GATAD2A: variants seen among roughly 807,000 people sequenced by gnomAD.
GATAD2A encodes GATA zinc finger domain containing 2A, also known as transcriptional repressor p66-alpha.
In GATAD2A, 12 loss-of-function variants were observed where a neutral mutation model predicts 68.5. The observed-to-expected ratio is 0.18, with a 90% confidence interval of 0.11 to 0.28. The LOEUF (loss-of-function observed/expected upper bound fraction) is 0.28, where lower values mean the gene tolerates loss of function less well. GATAD2A is among the 10% of genes least tolerant of loss of function. The probability of loss-of-function intolerance (pLI) is 1.00; values close to 1 mark genes in which losing one functional copy is unlikely to be tolerated. For synonymous variants in GATAD2A, 410 were observed against 375.3 expected, an observed-to-expected ratio of 1.09 and a Z score of -1.07; for missense variants, 755 against 868.5, an observed-to-expected ratio of 0.87 and a Z score of 1.64.
chr19:19,401,215 T>A (rs895212600), upstream of GATAD2A, among the ~76,000 whole-genome samples: 10 of 144,306 alleles, frequency 6.9e-5, no homozygotes, highest in South Asian at 2.0e-3. Flanking sequence ...AACTTGGCTT[T>A]TTTTTTTTTT....
chr19:19,446,579 T>C (rs2055749350), intron 1 of GATAD2A, among the ~76,000 whole-genome samples: 1 of 152,220 alleles, frequency 6.6e-6, no homozygotes, highest in African/African-American at 2.4e-5. Flanking sequence ...TGTGCTTATA[T>C]GTAAGACTGT....
chr19:19,386,001 C>T (rs1294700807), exon 1 of GATAD2A: 2 of 150,732 alleles, frequency 1.3e-5, no homozygotes, highest in Non-Finnish European at 1.5e-5. Flanking sequence ...TCTGTCCTGT[C>T]GCCGCTGCCG....
At chr19:19,430,976 GGTGTGTGT>G (rs71170687) in intron 1 of GATAD2A, among the ~76,000 whole-genome samples, 2,756 of 136,746 alleles carry the variant, frequency 0.02, 83 homozygotes, top group South Asian at 0.12. Flanking sequence ...GTATGGTAGG[GGTGTGTGT>G]GTGTGTGTGT....
intron 1 of GATAD2A, among the ~76,000 whole-genome samples, chr19:19,426,953 C>T (rs2053167083): frequency 6.6e-6 from 1 of 152,200 alleles, no homozygotes; most frequent in African/African-American, 2.4e-5. Flanking sequence ...ATACCAGGCT[C>T]ATGTGCTTTT....
intron 2 of GATAD2A, among the ~76,000 whole-genome samples, chr19:19,466,891 G>T (rs188069781): frequency 2.0e-5 from 3 of 152,206 alleles, no homozygotes; most frequent in Admixed American, 2.0e-4. Context: ...CTCAGCAGGG[G>T]TGAGCAGTGA....
At chr19:19,407,027 T>G (rs147223553) in intron 1 of GATAD2A, among the ~76,000 whole-genome samples, 1 of 152,372 alleles carries the variant, frequency 6.6e-6, no homozygotes, top group African/African-American at 2.4e-5. Context: ...GCCTTTAATT[T>G]TCTTTCTTCC....
At chr19:19,401,236 A>C (rs1012312155), upstream of GATAD2A, among the ~76,000 whole-genome samples, 11 of 133,528 alleles carry the variant, frequency 8.2e-5, no homozygotes, top group South Asian at 2.7e-4. Flanking sequence ...TTTTTTGAGA[A>C]GGAGTCTCCT....
intron 1 of GATAD2A, among the ~76,000 whole-genome samples, chr19:19,435,505 G>T (rs536438080): frequency 6.6e-6 from 1 of 152,174 alleles, no homozygotes; most frequent in African/African-American, 2.4e-5. Flanking sequence ...GACTACAGGC[G>T]TGAGCCACTG....
In GATAD2A at chr19:19,501,390, G is replaced by A. The variant is rs1324238340; in HGVS notation, c.1477G>A (p.Ala493Thr). 3 of 1,604,696 alleles carry A rather than the reference G, an allele frequency of 1.9e-6. No homozygotes were observed. The highest frequency in any genetic ancestry group is 2.5e-6 in the Non-Finnish European group (3 of 1,176,516). ...APAQAKAEPT[A>T]APHPVLKQVI... ...TGCACAGGCCAAGGCCGAGCCCACC[G>A]CTGCCCCACACCCCGTGCTGAAGCA... is the stretch of plus-strand genomic sequence containing the variant. Residue 493 changes from alanine to threonine, a missense_variant, in exon 9 of 12, where the codon GCT becomes ACT. Transcript: ENST00000683918.
chr19:19,419,581 A>G (rs966809227), intron 1 of GATAD2A, among the ~76,000 whole-genome samples: 2 of 145,226 alleles, frequency 1.4e-5, no homozygotes, highest in African/African-American at 2.6e-5. Flanking sequence ...CAGTGGTGCA[A>G]TCTCAGTTCA....
intron 1 of GATAD2A, among the ~76,000 whole-genome samples, chr19:19,390,873 G>A (rs2048799543): frequency 6.6e-6 from 1 of 152,260 alleles, no homozygotes; most frequent in Non-Finnish European, 1.5e-5. Context: ...AAAAGACTGG[G>A]AAAGTGATGT....
chr19:19,395,475 A>G (rs1386208104), intron 1 of GATAD2A, among the ~76,000 whole-genome samples: 2 of 151,890 alleles, frequency 1.3e-5, no homozygotes, highest in East Asian at 3.9e-4. Flanking sequence ...AATAGAAAAC[A>G]TGTTCAAGTT....
chr19:19,409,863 C>T (rs913685093), intron 1 of GATAD2A, among the ~76,000 whole-genome samples: 1 of 152,132 alleles, frequency 6.6e-6, no homozygotes, highest in Non-Finnish European at 1.5e-5. Context: ...CTTGCCCCTC[C>T]CCCACCTTGT....
upstream of GATAD2A, among the ~76,000 whole-genome samples, chr19:19,404,937 T>A (rs535149522): frequency 3.3e-5 from 5 of 152,308 alleles, no homozygotes; most frequent in East Asian, 7.7e-4. Flanking sequence ...GAACTTGATA[T>A]TTTCCCTATT....
intron 1 of GATAD2A, among the ~76,000 whole-genome samples, chr19:19,393,508 A>G (rs2049001628): frequency 6.6e-6 from 1 of 152,232 alleles, no homozygotes; most frequent in South Asian, 2.1e-4. Context: ...AAACATTTTC[A>G]TGCTTGGTGA....
intron 1 of GATAD2A, among the ~76,000 whole-genome samples, chr19:19,426,608 TC>T (rs60002798): frequency 0.032 from 4,826 of 152,290 alleles, 246 homozygotes; most frequent in African/African-American, 0.11. Context: ...CCTCCTGGGT[TC>T]CAGTGATTCT....
At chr19:19,502,901 C>T (rs899216357) in intron 11 of GATAD2A, among the ~76,000 whole-genome samples, 1 of 152,176 alleles carries the variant, frequency 6.6e-6, no homozygotes, top group Non-Finnish European at 1.5e-5. Flanking sequence ...CATCTTTTTT[C>T]TGTCATTGTG....
Position 19,467,664 on chromosome 19 carries a change from C to G in GATAD2A, c.269+2050C>G, listed in dbSNP as rs141125885. On this transcript the variant is annotated intron_variant, in intron 2 of 11. Transcript: ENST00000683918. Reference sequence around the variant, plus strand: ...GTATTTTTCAAAACTACCTTTTTTTCTTTCATGCTAACTTATTACCATCTT... The same window carrying G: ...GTATTTTTCAAAACTACCTTTTTTTGTTTCATGCTAACTTATTACCATCTT... 2.0e-5 allele frequency among the ~76,000 whole-genome samples: 3 copies of G among 151,888 alleles called. No homozygotes were observed. In the East Asian group the frequency reaches 5.8e-4, roughly 29 times the overall value.
chr19:19,472,895 C>T (rs780851111), intron 2 of GATAD2A, among the ~76,000 whole-genome samples: 1 of 152,202 alleles, frequency 6.6e-6, no homozygotes, highest in Admixed American at 6.5e-5. Context: ...CTATGCTGAT[C>T]TCTGGTAGAG....
Sources: allele counts gnomAD v4.1 joint callset (sites outside exome capture counted in the v4.1 genomes callset), GRCh38; gene constraint gnomAD v4.1.1; transcripts MANE v1.5; gene names NCBI Gene and HGNC (gene_info 2026-07-23, HGNC 2026-07-21).